LRRC28: variants seen among roughly 807,000 people sequenced by gnomAD.
LRRC28 encodes leucine rich repeat containing 28, also known as leucine-rich repeat-containing protein 28.
A neutral mutation model predicts 45.7 loss-of-function variants in LRRC28; 39 were observed. The observed-to-expected ratio is 0.85, with a 90% CI of 0.66 to 1.12. The LOEUF (loss-of-function observed/expected upper bound fraction) is 1.12, where lower values mean the gene tolerates loss of function less well. LRRC28 is among the 50% of genes most tolerant of loss of function. The probability of loss-of-function intolerance (pLI) is 0.00; values close to 1 mark genes in which losing one functional copy is unlikely to be tolerated. For synonymous variants in LRRC28, 206 were observed against 178.8 expected (o/e 1.15, Z -1.22); for missense variants, 435 against 438.5 (o/e 0.99, Z 0.07).
At chr15:99,378,572 CTG>C (rs565687989) in intron 9 of LRRC28, among the ~76,000 whole-genome samples, 244 of 152,290 alleles carry the variant, frequency 1.6e-3, no homozygotes, top group African/African-American at 5.7e-3. Context: ...ACTTCCAACA[CTG>C]TGTTGAATAG....
chr15:99,302,709 C>T (rs1955029409), intron 5 of LRRC28, among the ~76,000 whole-genome samples: 1 of 152,176 alleles, frequency 6.6e-6, no homozygotes, highest in Admixed American at 6.5e-5. Context: ...TTCCCTGGTG[C>T]CTGTTTATTG....
chr15:99,309,697 A>G (rs1955332636), intron 5 of LRRC28, among the ~76,000 whole-genome samples: 2 of 152,178 alleles, frequency 1.3e-5, no homozygotes, highest in Admixed American at 6.5e-5. Flanking sequence ...GTGAACCACC[A>G]CGCCCACTGG....
intron 7 of LRRC28, among the ~76,000 whole-genome samples, chr15:99,358,194 C>T (rs1431415873): frequency 6.6e-6 from 1 of 152,060 alleles, no homozygotes; most frequent in South Asian, 2.1e-4. Flanking sequence ...GGGAAAATGT[C>T]ATTTATCTTT....
intron 5 of LRRC28, among the ~76,000 whole-genome samples, chr15:99,300,740 C>T (rs1334600994): frequency 1.3e-5 from 2 of 152,136 alleles, no homozygotes; most frequent in Admixed American, 6.6e-5. Flanking sequence ...GCATGAGAAT[C>T]GCTTGAACCC....
intron 3 of LRRC28, among the ~76,000 whole-genome samples, chr15:99,282,723 A>G (rs2081840211): frequency 6.6e-6 from 1 of 152,180 alleles, no homozygotes; most frequent in Admixed American, 6.5e-5. Context: ...TGATGTTTGC[A>G]TAACAAGGAA....
At position 99,261,499 on chromosome 15, in the gene LRRC28, CT is replaced by C. The variant is rs201519943; in HGVS notation, c.168+5379del. On this transcript the variant is annotated intron_variant, in intron 2 of 9. Transcript: ENST00000301981. ...CTCTTCCTGGGTTCGCAGATGGTGC[CT>C]TTTTGCTGTATTCTCACATGGTGGA... 7.5e-4 allele frequency among the ~76,000 whole-genome samples: 114 copies of C among 152,232 alleles called. 2 individuals carry two copies. In the East Asian group the frequency reaches 0.019, roughly 26 times the overall value.
At chr15:99,370,588 G>GA (rs1004330835) in intron 9 of LRRC28, among the ~76,000 whole-genome samples, 10 of 151,374 alleles carry the variant, frequency 6.6e-5, no homozygotes, top group Admixed American at 2.6e-4. Context: ...AACAATATTT[G>GA]AAAAAAAATT....
At chr15:99,334,173 G>A (rs1396504826) in intron 6 of LRRC28, 44 bp downstream of exon 6, 1 of 1,603,316 alleles carries the variant, frequency 6.2e-7, no homozygotes, top group East Asian at 2.2e-5. Context: ...GAATAAGATG[G>A]AAAGCCTTTG....
intron 6 of LRRC28, 91 bp from the exon 7 acceptor site, chr15:99,352,278 G>A (rs949423200): frequency 2.6e-5 from 22 of 856,720 alleles, no homozygotes; most frequent in Admixed American, 9.7e-5. Context: ...AGAAATCTTC[G>A]AATATTTCTA....
At chr15:99,283,934 C>A (rs2081884003) in intron 3 of LRRC28, among the ~76,000 whole-genome samples, 1 of 152,168 alleles carries the variant, frequency 6.6e-6, no homozygotes, top group Admixed American at 6.5e-5. Context: ...ACAAATGACT[C>A]ATAATAACTA....
In LRRC28 at chr15:99,361,370, C is replaced by G; in HGVS notation, c.730C>G (p.Leu244Val). ...TCCCATTCAAGTTTCCGAGGTGAAG[C>G]TGCTTTCCTTTTCATCAGGGCAGCG... ...GAPIQVSEVK[L>V]LSFSSGQRTV... Residue 244 changes from leucine (L) to valine (V), a missense_variant, in exon 8 of 10, where the codon CTG becomes GTG. By Grantham distance (32) the Leu-to-Val change is conservative. Coordinates refer to ENST00000301981, the MANE Select transcript of LRRC28 (RefSeq NM_144598.5). 6.2e-7 allele frequency: 1 copy of G among 1,613,688 alleles called. No individual in the cohort carries two copies. The highest frequency in any genetic ancestry group is 8.5e-7 in the Non-Finnish European group (1 of 1,179,874).
chr15:99,320,461 G>A (rs1393952078), intron 5 of LRRC28: 1 of 152,140 alleles, frequency 6.6e-6, no homozygotes, highest in East Asian at 1.9e-4. Flanking sequence ...TAAATTTGTA[G>A]ACCATTACTC....
Position 99,282,191 on chromosome 15 carries a change from T to TTTTTTTTTTTTG in LRRC28, c.210-5066_210-5065insTTTTTTTTTTTG, listed in dbSNP as rs1327794715. On this transcript the variant is annotated intron_variant, in intron 3 of 9. Coordinates refer to ENST00000301981, the MANE Select transcript of LRRC28 (RefSeq NM_144598.5). ...AATTTTTGGAGGTTTTTTTTTTTTT[T>TTTTTTTTTTTTG]GTAGCAGTAGCTCTCTCTTCTTCAG... is the stretch of plus-strand genomic sequence containing the variant. Among the ~76,000 whole-genome samples, 550 of 137,920 alleles carry TTTTTTTTTTTTG rather than the reference T, an allele frequency of 4.0e-3. 6 individuals carry two copies. The highest frequency in any genetic ancestry group is 0.02 in the East Asian group (80 of 3,964). 90.5% of individuals were successfully genotyped at this position (137,920 alleles called of 152,430 possible). A position where few individuals can be genotyped will look rare whatever the true frequency, so the allele number is the denominator to read the frequency against.
chr15:99,334,982 A>G (rs1956276838), intron 6 of LRRC28, among the ~76,000 whole-genome samples: 1 of 152,212 alleles, frequency 6.6e-6, no homozygotes, highest in Non-Finnish European at 1.5e-5. Context: ...TAACTTTAAA[A>G]TAATGGATAC....
At chr15:99,351,195 C>G (rs1956866542) in intron 6 of LRRC28, among the ~76,000 whole-genome samples, 1 of 152,274 alleles carries the variant, frequency 6.6e-6, no homozygotes, top group Admixed American at 6.5e-5. Context: ...ACAAATAGCC[C>G]TAGTCAGTGA....
chr15:99,298,112 A>G (rs1001080494), intron 5 of LRRC28, among the ~76,000 whole-genome samples: 10 of 152,170 alleles, frequency 6.6e-5, no homozygotes, highest in Admixed American at 2.0e-4. Context: ...TCTGCCATCA[A>G]TCATGCTTAC....
chr15:99,358,911 C>A (rs529629262), intron 7 of LRRC28, among the ~76,000 whole-genome samples: 1 of 152,174 alleles, frequency 6.6e-6, no homozygotes, highest in East Asian at 1.9e-4. Context: ...AACCCCGTCT[C>A]TACTACAAAT....
At chr15:99,262,313 G>A (rs1230677509) in intron 2 of LRRC28, among the ~76,000 whole-genome samples, 1 of 152,116 alleles carries the variant, frequency 6.6e-6, no homozygotes, top group South Asian at 2.1e-4. Flanking sequence ...CAGGCATGGT[G>A]GCTCATGCCT....
At position 99,287,306 on chromosome 15, in the gene LRRC28, T is replaced by A. The variant is rs2081985100; in HGVS notation, c.247+12T>A. 3 of 1,534,220 alleles carry A rather than the reference T, an allele frequency of 2.0e-6. No individual in the cohort carries two copies. In the East Asian group the frequency reaches 7.2e-5, roughly 37 times the overall value. On this transcript the variant is annotated intron_variant, in intron 4 of 9. Coordinates refer to ENST00000301981, the MANE Select transcript of LRRC28 (RefSeq NM_144598.5). ...TGTGGTTCCGGAAGGTATGTTTAAC[T>A]TAAAAATTTTAGTTAGAAGATAATA... is the stretch of plus-strand genomic sequence containing the variant.
Sources: allele counts gnomAD v4.1 joint callset (sites outside exome capture counted in the v4.1 genomes callset), GRCh38; gene constraint gnomAD v4.1.1; transcripts MANE v1.5; gene names NCBI Gene and HGNC (gene_info 2026-07-23, HGNC 2026-07-21).